The following NFIB variants were observed in gnomAD, a reference collection of about 807,000 sequenced individuals.
NFIB encodes nuclear factor 1 B-type.
NFIB carries 11 observed loss-of-function variants against 61.5 expected under a neutral mutation model. That is an observed-to-expected ratio of 0.18 (90% CI 0.11 to 0.30). The LOEUF is 0.30. NFIB is among the 10% of genes least tolerant of loss of function. The pLI is 1.00. For synonymous variants in NFIB, 260 were observed against 216.5 expected (o/e 1.20, Z -1.76); for missense variants, 471 against 608.9 (o/e 0.77, Z 2.38).
chr9:14,197,176 GCTTGACAA>G (rs1345577948), intron 2 of NFIB, among the ~76,000 whole-genome samples: 1 of 152,210 alleles, frequency 6.6e-6, no homozygotes, highest in African/African-American at 2.4e-5. Context: ...GGAATGCAGA[GCTTGACAA>G]CTTGCAGAGT....
intron 5 of NFIB, among the ~76,000 whole-genome samples, chr9:14,148,038 G>C (rs2042459880): frequency 6.6e-6 from 1 of 152,108 alleles, no homozygotes; most frequent in Admixed American, 6.6e-5. Flanking sequence ...TATACCCATA[G>C]TGGTTGATAT....
intron 2 of NFIB, among the ~76,000 whole-genome samples, chr9:14,240,727 C>T (rs1177272109): frequency 6.6e-6 from 1 of 152,202 alleles, no homozygotes; most frequent in Admixed American, 6.5e-5. Flanking sequence ...CGTTGTACTT[C>T]TGCCAGAAAG....
the NFIB span, among the ~76,000 whole-genome samples, chr9:14,516,960 G>C: frequency 6.6e-6 from 1 of 152,300 alleles, no homozygotes; most frequent in Admixed American, 6.5e-5. Context: ...TGATAGAGTA[G>C]AAATCTGAGC....
At chr9:14,509,958 G>A in the NFIB span, among the ~76,000 whole-genome samples, 3 of 152,142 alleles carry the variant, frequency 2.0e-5, no homozygotes, top group Admixed American at 6.5e-5. Flanking sequence ...GTGCAATGGC[G>A]CAATCTTGGC....
chr9:14,498,713 A>C, the NFIB span, among the ~76,000 whole-genome samples: 14 of 152,000 alleles, frequency 9.2e-5, no homozygotes, highest in Non-Finnish European at 2.9e-5. Flanking sequence ...TAGTGGCTAC[A>C]GTAGCTAGTC....
At chr9:14,190,904 T>C (rs1260978053) in intron 2 of NFIB, among the ~76,000 whole-genome samples, 2 of 152,160 alleles carry the variant, frequency 1.3e-5, no homozygotes, top group Admixed American at 1.3e-4. Flanking sequence ...AAAATACAGA[T>C]AATCCTGGCC....
At chr9:14,150,348 T>C (rs1389545956) in intron 4 of NFIB, 83 bp from the exon 5 acceptor site, 1 of 1,591,256 alleles carries the variant, frequency 6.3e-7, no homozygotes, top group Non-Finnish European at 8.6e-7. Context: ...GAATCTTTCA[T>C]GCCTCTGGTC....
chr9:14,200,579 C>A lies in NFIB; in HGVS notation c.563-20799G>T, dbSNP rs140187304. Among the ~76,000 whole-genome samples the A allele has an allele frequency of 4.3e-3, 653 of 152,254 alleles. 4 individuals carry two copies. The highest frequency in any genetic ancestry group is 0.017 in the Middle Eastern group (5 of 294). On this transcript the variant is annotated intron_variant, in intron 2 of 10. Transcript: ENST00000380953. ...GACTCTACTTAGTTGACTTTTCACA[C>A]TAAGTATCCCTAGCTTTTGGAAATT...
the NFIB span, among the ~76,000 whole-genome samples, chr9:14,434,620 G>T: frequency 6.6e-6 from 1 of 152,144 alleles, no homozygotes; most frequent in Non-Finnish European, 1.5e-5. Context: ...ATAGCTATAG[G>T]CCTTAAAGCC....
At chr9:14,411,507 G>C in the NFIB span, among the ~76,000 whole-genome samples, 3 of 152,094 alleles carry the variant, frequency 2.0e-5, no homozygotes, top group African/African-American at 7.2e-5. Context: ...CCCAATATAA[G>C]GGCACCTGGC....
intron 2 of NFIB, among the ~76,000 whole-genome samples, chr9:14,261,651 G>T (rs1328534840): frequency 1.3e-5 from 2 of 152,164 alleles, no homozygotes; most frequent in Admixed American, 6.5e-5. Context: ...TAGAGGAATG[G>T]GAGATGGGGA....
intron 2 of NFIB, among the ~76,000 whole-genome samples, chr9:14,224,884 T>C (rs938874824): frequency 3.9e-5 from 6 of 152,216 alleles, no homozygotes; most frequent in Admixed American, 1.3e-4. Flanking sequence ...ATTTTATAAA[T>C]TTTTCTTTGA....
At chr9:14,204,896 C>G (rs2049464368) in intron 2 of NFIB, 1 of 357,214 alleles carries the variant, frequency 2.8e-6, no homozygotes, top group Non-Finnish European at 5.3e-6. Context: ...TTTGGTTAAG[C>G]TGGTGGTAGC....
intron 6 of NFIB, among the ~76,000 whole-genome samples, chr9:14,126,450 C>T (rs756754385): frequency 4.9e-4 from 75 of 152,308 alleles, no homozygotes; most frequent in African/African-American, 1.4e-3. Flanking sequence ...GCTGCTACAT[C>T]GCCAGCTGCG....
chr9:14,417,671 C>T, the NFIB span, among the ~76,000 whole-genome samples: 1 of 151,706 alleles, frequency 6.6e-6, no homozygotes. Context: ...GATCCTTAGA[C>T]TACCTCTGTC....
chr9:14,496,905 C>G, the NFIB span, among the ~76,000 whole-genome samples: 8 of 152,270 alleles, frequency 5.3e-5, no homozygotes, highest in African/African-American at 1.9e-4. Context: ...TGTGACACAC[C>G]AATAATGGGT....
intron 1 of NFIB, among the ~76,000 whole-genome samples, chr9:14,323,117 C>A (rs2060701874): frequency 6.6e-6 from 1 of 152,240 alleles, no homozygotes; most frequent in South Asian, 2.1e-4. Context: ...CCGAAATGTT[C>A]CTGGCTGCGC....
the NFIB span, among the ~76,000 whole-genome samples, chr9:14,435,157 C>A: frequency 3.9e-5 from 6 of 152,326 alleles, no homozygotes; most frequent in South Asian, 1.0e-3. Context: ...ATGCAGGAAC[C>A]AGGCAAGGCA....
intron 7 of NFIB, among the ~76,000 whole-genome samples, chr9:14,123,745 G>GT (rs1296617817): frequency 1.3e-5 from 2 of 151,568 alleles, no homozygotes; most frequent in African/African-American, 4.9e-5. Context: ...CTGCCTCCCA[G>GT]TTTGCCCCTC....
Sources: allele counts gnomAD v4.1 joint callset (sites outside exome capture counted in the v4.1 genomes callset), GRCh38; gene constraint gnomAD v4.1.1; transcripts MANE v1.5; gene names NCBI Gene and HGNC (gene_info 2026-07-23, HGNC 2026-07-21).